The following GPC6 variants were observed in gnomAD, a reference collection of about 807,000 sequenced individuals.
GPC6 encodes glypican-6.
Under a neutral mutation model 55.2 loss-of-function variants are expected in GPC6, and 14 were observed. The observed-to-expected ratio is 0.25, with a 90% CI of 0.17 to 0.40. GPC6 has a LOEUF of 0.40. GPC6 is among the 10% of genes least tolerant of loss of function. The probability of loss-of-function intolerance (pLI) is 1.00; values close to 1 mark genes in which losing one functional copy is unlikely to be tolerated. For missense variants in GPC6, 641 were observed against 708.5 expected, an observed-to-expected ratio of 0.90 and a Z score of 1.08; for synonymous variants, 278 against 259.6, an observed-to-expected ratio of 1.07 and a Z score of -0.68.
At chr13:94,193,073 G>A (rs1034389417) in intron 4 of GPC6, among the ~76,000 whole-genome samples, 57 of 122,658 alleles carry the variant, frequency 4.6e-4, no homozygotes, top group African/African-American at 1.7e-3. Context: ...GTGTGTGTGT[G>A]TGTGTGTGTG....
chr13:93,583,653 G>A (rs1877053958), intron 2 of GPC6, among the ~76,000 whole-genome samples: 2 of 152,306 alleles, frequency 1.3e-5, no homozygotes, highest in Admixed American at 1.3e-4. Flanking sequence ...CTGACCTCAG[G>A]TGATCCACCG....
chr13:93,486,010 T>C (rs897622812), intron 1 of GPC6, among the ~76,000 whole-genome samples: 9 of 151,990 alleles, frequency 5.9e-5, no homozygotes, highest in African/African-American at 2.2e-4. Context: ...CACTTTAGGG[T>C]AGGTGGAGGA....
intron 4 of GPC6, among the ~76,000 whole-genome samples, chr13:94,072,358 T>A (rs995989694): frequency 6.6e-6 from 1 of 152,088 alleles, no homozygotes; most frequent in Non-Finnish European, 1.5e-5. Context: ...TTTGTTTGCC[T>A]GTTTGTTTGT....
chr13:94,185,336 G>A (rs2138953158), intron 4 of GPC6, among the ~76,000 whole-genome samples: 1 of 151,356 alleles, frequency 6.6e-6, no homozygotes. Context: ...ATTACCTGCT[G>A]TGGGGCTCAA....
chr13:94,188,585 T>C (rs1042406244), intron 4 of GPC6, among the ~76,000 whole-genome samples: 1 of 151,948 alleles, frequency 6.6e-6, no homozygotes, highest in Non-Finnish European at 1.5e-5. Flanking sequence ...TTCTATAAGG[T>C]TTTATCATTC....
intron 3 of GPC6, among the ~76,000 whole-genome samples, chr13:93,877,638 A>G (rs765443682): frequency 2.8e-4 from 42 of 152,106 alleles, no homozygotes; most frequent in Non-Finnish European, 5.1e-4. Context: ...GTTAGTCTGT[A>G]TAAATCAACA....
chr13:93,364,931 T>A (rs1207366959), intron 1 of GPC6, among the ~76,000 whole-genome samples: 1 of 151,970 alleles, frequency 6.6e-6, no homozygotes, highest in Non-Finnish European at 1.5e-5. Context: ...CCTCCCCATC[T>A]TGTCTTTGGT....
chr13:93,495,649 G>C (rs1222378115), intron 1 of GPC6, among the ~76,000 whole-genome samples: 1 of 112,822 alleles, frequency 8.9e-6, no homozygotes, highest in Non-Finnish European at 1.8e-5. Flanking sequence ...CCCCATCTTT[G>C]TGGTTTTATC....
intron 5 of GPC6, among the ~76,000 whole-genome samples, chr13:94,292,810 G>T (rs534060332): frequency 3.9e-5 from 6 of 152,214 alleles, no homozygotes; most frequent in African/African-American, 1.4e-4. Context: ...TTCTCACCAA[G>T]TATGTTCATG....
chr13:93,285,617 TGTGTG>T (rs1399454718), intron 1 of GPC6, among the ~76,000 whole-genome samples: 1 of 43,186 alleles, frequency 2.3e-5, no homozygotes, highest in Non-Finnish European at 4.3e-5. Flanking sequence ...TATATACTGC[TGTGTG>T]TGTGTGTGTG....
chr13:94,348,076 A>T (rs1878372884), intron 6 of GPC6, among the ~76,000 whole-genome samples: 1 of 152,214 alleles, frequency 6.6e-6, no homozygotes, highest in Non-Finnish European at 1.5e-5. Flanking sequence ...CTGGAGTTAG[A>T]CATCGTCCTA....
chr13:93,573,245 A>G (rs1430336615), intron 2 of GPC6, among the ~76,000 whole-genome samples: 1 of 152,124 alleles, frequency 6.6e-6, no homozygotes, highest in African/African-American at 2.4e-5. Context: ...TACATTAGAA[A>G]TTGATAGCAT....
intron 3 of GPC6, chr13:93,830,836 C>T (rs1224123386): frequency 2.9e-6 from 1 of 344,414 alleles, no homozygotes; most frequent in Non-Finnish European, 5.3e-6. Context: ...AAAGCAGGCA[C>T]GTTGCAACTA....
intron 2 of GPC6, among the ~76,000 whole-genome samples, chr13:93,711,040 A>G (rs933737223): frequency 6.6e-6 from 1 of 151,810 alleles, no homozygotes; most frequent in African/African-American, 2.4e-5. Flanking sequence ...GAATATGACC[A>G]TATGTTTAAA....
At position 93,696,533 on chromosome 13, in the gene GPC6, CT is replaced by C. The variant is rs561234524; in HGVS notation, c.320-133614del. ...CTCATTTATACTTTCTTCCCTCCCC[CT>C]TTTTTTCCTTTTTTTTTTAAAAAAC... On this transcript the variant is annotated intron_variant, in intron 2 of 8. Transcript: ENST00000377047. Among the ~76,000 whole-genome samples the C allele has an allele frequency of 3.3e-5, 5 of 151,336 alleles. No homozygotes were observed. In the South Asian group the frequency reaches 6.3e-4, roughly 19 times the overall value.
At chr13:93,515,999 T>C (rs2139392104) in intron 1 of GPC6, among the ~76,000 whole-genome samples, 1 of 152,282 alleles carries the variant, frequency 6.6e-6, no homozygotes, top group African/African-American at 2.4e-5. Context: ...AAGGTATTTT[T>C]TTAACTTGTT....
rs1309130773 is a variant in GPC6, at chr13:94,053,759, C to T, written c.877+25865C>T. On this transcript the variant is annotated intron_variant, in intron 4 of 8. Transcript: ENST00000377047. ...GAAACAATTAGATATTTCTTTTCCA[C>T]GATGATTAGAAGGAAAGAAAAACAA... 3.9e-5 allele frequency among the ~76,000 whole-genome samples: 6 copies of T among 151,992 alleles called. No individual in the cohort carries two copies. In the South Asian group the frequency reaches 6.2e-4, roughly 16 times the overall value.
chr13:94,297,259 C>T (rs1875390982), intron 5 of GPC6, among the ~76,000 whole-genome samples: 2 of 152,248 alleles, frequency 1.3e-5, no homozygotes, highest in Non-Finnish European at 2.9e-5. Flanking sequence ...ATATCCCCAG[C>T]ACTTATGTTT....
intron 1 of GPC6, among the ~76,000 whole-genome samples, chr13:93,453,144 C>G (rs977440739): frequency 1.3e-5 from 2 of 152,168 alleles, no homozygotes; most frequent in African/African-American, 4.8e-5. Flanking sequence ...TGGACATTGC[C>G]TAATTCTTGA....
Sources: allele counts gnomAD v4.1 joint callset (sites outside exome capture counted in the v4.1 genomes callset), GRCh38; gene constraint gnomAD v4.1.1; transcripts MANE v1.5; gene names NCBI Gene and HGNC (gene_info 2026-07-23, HGNC 2026-07-21).